The following SCLY variants were observed in gnomAD, a reference collection of about 807,000 sequenced individuals.
The protein encoded by SCLY is selenocysteine lyase, also known as putative selenocysteine lyase.
Under a neutral mutation model 50.1 loss-of-function variants are expected in SCLY, and 38 were observed. The ratio of observed to expected loss-of-function variants is 0.76; its 90% CI spans 0.59 to 0.99. SCLY has a LOEUF of 0.99. Ranked by LOEUF, SCLY falls within the 50% of genes least tolerant of loss-of-function variation. SCLY has a pLI of 0.00. For missense variants in SCLY, 600 were observed against 620.0 expected, an observed-to-expected ratio of 0.97 and a Z score of 0.34; for synonymous variants, 243 against 249.4, an observed-to-expected ratio of 0.97 and a Z score of 0.24.
chr2:238,083,069 C>A lies in SCLY; in HGVS notation c.778-179C>A, dbSNP rs564986236. On this transcript the variant is annotated intron_variant, in intron 6 of 11. Transcript: ENST00000254663. This position sits in a 1 kb window ranked among gnomAD's most constrained non-coding sequence, Gnocchi z 4.3. The stretch of plus-strand genomic sequence containing the variant: ...CCTCCTAGGTTGGGGTTCCACCCTG[C>A]CCCGAAGGCTTTTGTGACTCTGCGT... 1.5e-6 allele frequency: 1 copy of A among 685,550 alleles called. No homozygotes were observed. The highest frequency in any genetic ancestry group is 2.7e-6 in the Non-Finnish European group (1 of 364,436). The allele number at this position is 685,550 out of a possible 1,614,324, so 42.5% of individuals were successfully genotyped here.
intron 7 of SCLY, among the ~76,000 whole-genome samples, chr2:238,084,332 T>C (rs575513965): frequency 6.6e-5 from 10 of 152,332 alleles, no homozygotes; most frequent in African/African-American, 2.4e-4. Flanking sequence ...GGCTCATGCC[T>C]GTAATCCCAG....
intron 11 of SCLY, 87 bp from the exon 12 acceptor site, chr2:238,098,115 C>T: frequency 6.7e-7 from 1 of 1,493,058 alleles, no homozygotes; most frequent in South Asian, 1.3e-5. Flanking sequence ...GGCAGAGCCC[C>T]ACTAGGGGAG....
At position 238,098,619 on chromosome 2, in the gene SCLY, G is replaced by GGGAACGCCCACATAGAACCACCCACATA. The variant is rs1559254654; in HGVS notation, c.*267_*268insACGCCCACATAGAACCACCCACATAGGA. On this transcript the variant is annotated 3_prime_UTR_variant, in exon 12 of 12. Coordinates refer to ENST00000254663, the MANE Select transcript of SCLY (RefSeq NM_016510.7). ...ACCGCCCACATAGGACCGCCCACAT[G>GGGAACGCCCACATAGAACCACCCACATA]GGACCGCCCACATGGGACCGCCCAC... is the stretch of plus-strand genomic sequence containing the variant. 1 of 204,088 alleles carries GGGAACGCCCACATAGAACCACCCACATA rather than the reference G, an allele frequency of 4.9e-6. No homozygotes were observed. The highest frequency in any genetic ancestry group is 8.8e-6 in the Non-Finnish European group (1 of 113,804). The allele number at this position is 204,088 out of a possible 1,614,324, so 12.6% of individuals were successfully genotyped here. A position where few individuals can be genotyped will look rare whatever the true frequency, so the allele number is the denominator to read the frequency against.
chr2:238,067,966 A>T lies in SCLY; in HGVS notation c.203-99A>T, dbSNP rs976136754. 2.4e-6 allele frequency: 2 copies of T among 837,408 alleles called. No homozygotes were observed. The highest frequency in any genetic ancestry group is 3.4e-5 in the African/African-American group (2 of 58,686). 51.9% of individuals were successfully genotyped at this position (837,408 alleles called of 1,614,324 possible). A position where few individuals can be genotyped will look rare whatever the true frequency, so the allele number is the denominator to read the frequency against. On this transcript the variant is annotated intron_variant, in intron 2 of 11. Transcript: ENST00000254663. The surrounding 1 kb of genome is among the most constrained non-coding windows in gnomAD (Gnocchi z 4.3). ...GCCAGGTTTTGTCTTAGAACGGCCCACGCAGACCTCTTATTCCTTTGTATT... is the reference window on the plus strand; with the variant it reads ...GCCAGGTTTTGTCTTAGAACGGCCCTCGCAGACCTCTTATTCCTTTGTATT...
chr2:238,099,363 G>A lies in SCLY; in HGVS notation c.*1008G>A, dbSNP rs1158052745. Reference sequence around the variant, plus strand: ...TCAAGGAACTACTTGATGATTTTGAGGAAACACTTGCCAGAAACTAAATTA... The same window carrying A: ...TCAAGGAACTACTTGATGATTTTGAAGAAACACTTGCCAGAAACTAAATTA... On this transcript the variant is annotated 3_prime_UTR_variant, in exon 12 of 12. Coordinates refer to ENST00000254663, the MANE Select transcript of SCLY (RefSeq NM_016510.7). The A allele has an allele frequency of 2.2e-6, 1 of 464,024 alleles. No homozygotes were observed. Among genetic ancestry groups the A allele is most frequent in the Non-Finnish European group, 4.4e-6 (1 of 224,886 alleles). 28.7% of individuals were successfully genotyped at this position (464,024 alleles called of 1,614,324 possible).
intron 10 of SCLY, 97 bp downstream of exon 10, chr2:238,094,619 G>A (rs41270749): frequency 9.5e-7 from 1 of 1,055,534 alleles, no homozygotes; most frequent in Non-Finnish European, 1.5e-6. Context: ...GCCCTGCCCT[G>A]AGCATGACAC....
Position 238,076,046 on chromosome 2 carries a change from CTTT to C in SCLY, c.485-5648_485-5646del, listed in dbSNP as rs34627467. 1.4e-3 allele frequency among the ~76,000 whole-genome samples: 190 copies of C among 132,712 alleles called. 1 individual carries two copies. Among genetic ancestry groups the C allele is most frequent in the South Asian group, 0.01 (42 of 4,164 alleles). 87.1% of individuals were successfully genotyped at this position (132,712 alleles called of 152,430 possible). On this transcript the variant is annotated intron_variant, in intron 4 of 11. Coordinates refer to ENST00000254663, the MANE Select transcript of SCLY (RefSeq NM_016510.7). ...TACTTGTTTTAGGTTTGATTTGTTC[CTTT>C]TTTTTTTTTTTTTTACAGTGTCTTA...
chr2:238,092,359 C>A (rs1157188533), intron 8 of SCLY: 1 of 152,514 alleles, frequency 6.6e-6, no homozygotes, highest in Non-Finnish European at 1.5e-5. Context: ...GCTGGGATTA[C>A]AGGCATGAGC....
At position 238,098,610 on chromosome 2, in the gene SCLY, C is replaced by T. The variant is rs1453058826; in HGVS notation, c.*255C>T. On this transcript the variant is annotated 3_prime_UTR_variant, in exon 12 of 12. Coordinates refer to ENST00000254663, the MANE Select transcript of SCLY (RefSeq NM_016510.7). ...CCACATAGGACCGCCCACATAGGAC[C>T]GCCCACATGGGACCGCCCACATGGG... is the stretch of plus-strand genomic sequence containing the variant. 1 of 418,166 alleles carries T rather than the reference C, an allele frequency of 2.4e-6. No homozygotes were observed. Among genetic ancestry groups the T allele is most frequent in the Non-Finnish European group, 4.2e-6 (1 of 235,988 alleles). The allele number at this position is 418,166 out of a possible 1,614,324, so 25.9% of individuals were successfully genotyped here.
In SCLY at chr2:238,061,205, G is replaced by A. The variant is rs1428466660; in HGVS notation, c.89+62G>A. On this transcript the variant is annotated intron_variant, in intron 1 of 11. Coordinates refer to ENST00000254663, the MANE Select transcript of SCLY (RefSeq NM_016510.7). ...CGCCTGTCGCCGATTGTCCCGCGCGGGAGGACGAAGGGGGCTCCCGGCCTG... is the reference window on the plus strand; with the variant it reads ...CGCCTGTCGCCGATTGTCCCGCGCGAGAGGACGAAGGGGGCTCCCGGCCTG... The A allele has an allele frequency of 2.4e-6, 3 of 1,252,674 alleles. No individual in the cohort carries two copies. The South Asian group carries it at 3.9e-5, about 16-fold the overall frequency. 77.6% of individuals were successfully genotyped at this position (1,252,674 alleles called of 1,614,324 possible).
At chr2:238,082,989 G>A (rs1368901528) in intron 6 of SCLY, 3 of 501,008 alleles carry the variant, frequency 6.0e-6, no homozygotes, top group Admixed American at 3.1e-5. Context: ...CACATGATGC[G>A]CAGGGGAGAG....
rs373522696 is a variant in SCLY, at chr2:238,074,439, C to G, written c.484+4962C>G. The stretch of plus-strand genomic sequence containing the variant: ...TGAGTTTGTATGTTACTCTTGTGTT[C>G]TGCAACTTTGCTGAATTTATTAGTT... On this transcript the variant is annotated intron_variant, in intron 4 of 11. Coordinates refer to ENST00000254663, the MANE Select transcript of SCLY (RefSeq NM_016510.7). Among the ~76,000 whole-genome samples the G allele has an allele frequency of 2.4e-4, 37 of 152,188 alleles. 1 individual carries two copies. In the East Asian group the frequency reaches 6.4e-3, roughly 26 times the overall value.
chr2:238,069,261 G>A lies in SCLY; in HGVS notation c.304-36G>A, dbSNP rs750222763. On this transcript the variant is annotated intron_variant, in intron 3 of 11. Transcript: ENST00000254663. This position sits in a 1 kb window ranked among gnomAD's most constrained non-coding sequence, Gnocchi z 5.0. ...TTGCTCTGACCCTTACCTCAGCACA[G>A]TTTTTGTAAATGCTTTTTTTGCTGT... 6.2e-5 allele frequency: 100 copies of A among 1,602,648 alleles called. 1 individual carries two copies. The Middle Eastern group carries it at 8.3e-4, about 13-fold the overall frequency.
chr2:238,068,149 C>T lies in SCLY; in HGVS notation c.287C>T (p.Thr96Ile). The change falls in exon 3 of 12, where the codon ACT becomes ATT. Residue 96 changes from threonine (T) to isoleucine (I), a missense_variant. Thr to Ile is a moderately conservative substitution (Grantham distance 89). Transcript: ENST00000254663. ...IGGKPQDIIF[T>I]SGGTESNNLV... ...GGGAAACCTCAAGATATAATCTTCA[C>T]TTCCGGGGGCACTGAGGTAAAGCTT... 2 of 1,608,684 alleles carry T rather than the reference C, an allele frequency of 1.2e-6. No homozygotes were observed. The highest frequency in any genetic ancestry group is 1.7e-6 in the Non-Finnish European group (2 of 1,177,034).
intron 10 of SCLY, among the ~76,000 whole-genome samples, chr2:238,096,373 C>G (rs7591078): frequency 0.14 from 21,265 of 152,236 alleles, 1,634 homozygotes; most frequent in South Asian, 0.27. Flanking sequence ...TTAATTACAT[C>G]AGCAGTCATT....
In SCLY at chr2:238,094,514, G is replaced by A. The variant is rs762082693; in HGVS notation, c.1100G>A (p.Arg367Gln). The A allele has an allele frequency of 2.0e-5, 33 of 1,613,774 alleles. No individual in the cohort carries two copies. Among genetic ancestry groups the A allele is most frequent in the South Asian group, 8.8e-5 (8 of 91,074 alleles). ...TGTAACTTTTCCATCCGGGGACCCC[G>A]GCTTCAAGGTGATGGCCCCTCACCC... Reference protein sequence around the residue: ...NTCNFSIRGPRLQGHVVLAQC... With the variant: ...NTCNFSIRGPQLQGHVVLAQC... Residue 367 changes from arginine to glutamine, a missense_variant, in exon 10 of 12, where the codon CGG (arginine) becomes CAG (glutamine). Transcript: ENST00000254663.
At chr2:238,091,520 C>CTT in intron 8 of SCLY, 1 of 447,154 alleles carries the variant, frequency 2.2e-6, no homozygotes, top group Non-Finnish European at 4.1e-6. Flanking sequence ...ACTGTTACAG[C>CTT]AGAGGTGAAG....
intron 10 of SCLY, chr2:238,095,967 G>A (rs945141201): frequency 6.6e-6 from 1 of 151,342 alleles, no homozygotes; most frequent in African/African-American, 2.4e-5. Context: ...GAGTACAGTG[G>A]TATGATCTCG....
At chr2:238,081,578 C>T in intron 4 of SCLY, 131 bp from the exon 5 acceptor site, 1 of 1,311,682 alleles carries the variant, frequency 7.6e-7, no homozygotes, top group South Asian at 1.4e-5. Flanking sequence ...TTATATTCTT[C>T]TTTATAGTCT....
Sources: allele counts gnomAD v4.1 joint callset (sites outside exome capture counted in the v4.1 genomes callset), GRCh38; gene constraint gnomAD v4.1.1; non-coding constraint Gnocchi (gnomAD v3.1); transcripts MANE v1.5; gene names NCBI Gene and HGNC (gene_info 2026-07-23, HGNC 2026-07-21).